Variants in UPK3A observed in about 807,000 individuals in gnomAD.
UPK3A encodes uroplakin 3A, also known as uroplakin-3a.
In UPK3A, 32 loss-of-function variants were observed where a neutral mutation model predicts 27.6. The observed-to-expected ratio is 1.16, with a 90% CI of 0.87 to 1.55. The LOEUF (loss-of-function observed/expected upper bound fraction) is 1.55, where lower values mean the gene tolerates loss of function less well. UPK3A is among the 40% of genes most tolerant of loss of function. The pLI is 0.00. For synonymous variants in UPK3A, 171 were observed against 163.9 expected, an observed-to-expected ratio of 1.04 and a Z score of -0.33; for missense variants, 370 against 367.9, an observed-to-expected ratio of 1.01 and a Z score of -0.05.
At position 45,293,319 on chromosome 22, in the gene UPK3A, T is replaced by A; in HGVS notation, c.704+6T>A. On this transcript the variant is annotated splice_donor_region_variant and intron_variant, in intron 5 of 5. Coordinates refer to ENST00000216211, the MANE Select transcript of UPK3A (RefSeq NM_006953.4). ...GCCATTGCCCTCAGCCTCGTGTAAG[T>A]ACCTGCCTGCTGGGAGGGCTGGACC... 6.2e-7 allele frequency: 1 copy of A among 1,613,700 alleles called. No homozygotes were observed. Among genetic ancestry groups the A allele is most frequent in the Non-Finnish European group, 8.5e-7 (1 of 1,180,016 alleles).
chr22:45,287,600 A>C, intron 3 of UPK3A, 149 bp downstream of exon 3: 1 of 896,458 alleles, frequency 1.1e-6, no homozygotes, highest in Non-Finnish European at 1.7e-6. Flanking sequence ...CTGAGCCTCA[A>C]GTTCAGAAGA....
chr22:45,291,308 A>G (rs1414248092), intron 4 of UPK3A, among the ~76,000 whole-genome samples: 2 of 110,160 alleles, frequency 1.8e-5, no homozygotes, highest in East Asian at 2.8e-4. Flanking sequence ...GTGTGTGTGA[A>G]TGAGGGTGTG....
intron 5 of UPK3A, among the ~76,000 whole-genome samples, chr22:45,294,070 C>T (rs186537805): frequency 1.9e-3 from 284 of 151,918 alleles, no homozygotes; most frequent in Admixed American, 3.7e-3. Flanking sequence ...AGAGGAGGGC[C>T]GGGGGGGTGC....
At chr22:45,292,171 G>A (rs2084166378) in intron 4 of UPK3A, among the ~76,000 whole-genome samples, 1 of 152,204 alleles carries the variant, frequency 6.6e-6, no homozygotes, top group African/African-American at 2.4e-5. Context: ...TGAGAAGAGG[G>A]AAGAAGAATT....
At chr22:45,290,864 G>A (rs1044669151) in intron 4 of UPK3A, among the ~76,000 whole-genome samples, 1 of 152,138 alleles carries the variant, frequency 6.6e-6, no homozygotes, top group Non-Finnish European at 1.5e-5. Flanking sequence ...GCGCATGCCA[G>A]GGATTAGGTT....
intron 4 of UPK3A, among the ~76,000 whole-genome samples, chr22:45,289,714 A>C (rs1037397984): frequency 1.3e-5 from 2 of 151,512 alleles, no homozygotes; most frequent in African/African-American, 4.8e-5. Context: ...AGATCACGCC[A>C]CAGCACTCCA....
chr22:45,290,873 T>C (rs780642327), intron 4 of UPK3A, among the ~76,000 whole-genome samples: 2 of 152,128 alleles, frequency 1.3e-5, no homozygotes, highest in Non-Finnish European at 2.9e-5. Context: ...AGGGATTAGG[T>C]TGCATGCTCC....
intron 4 of UPK3A, among the ~76,000 whole-genome samples, chr22:45,291,491 GGTGT>G (rs1335883801): frequency 4.0e-5 from 6 of 150,750 alleles, no homozygotes; most frequent in African/African-American, 1.5e-4. Context: ...TGATGTGTGT[GGTGT>G]GTGAGTGTGA....
Position 45,293,321 on chromosome 22 carries a change from C to G in UPK3A, c.704+8C>G, listed in dbSNP as rs112177270. ...CATTGCCCTCAGCCTCGTGTAAGTA[C>G]CTGCCTGCTGGGAGGGCTGGACCCC... On this transcript the variant is annotated splice_region_variant and intron_variant, in intron 5 of 5. Transcript: ENST00000216211. 8.7e-4 allele frequency: 1,404 copies of G among 1,613,684 alleles called. 12 individuals carry two copies. In the African/African-American group the frequency reaches 0.016, roughly 19 times the overall value.
intron 2 of UPK3A, among the ~76,000 whole-genome samples, chr22:45,286,760 G>T (rs927705587): frequency 6.6e-6 from 1 of 152,108 alleles, no homozygotes; most frequent in African/African-American, 2.4e-5. Context: ...AGAAGACTAG[G>T]GTCTGAAGAG....
chr22:45,289,208 C>T (rs983662699), intron 4 of UPK3A, 65 bp downstream of exon 4: 27 of 1,528,544 alleles, frequency 1.8e-5, no homozygotes, highest in East Asian at 4.5e-5. Flanking sequence ...CCAGCCACGG[C>T]GGTGAGAACC....
chr22:45,291,374 G>A (rs2084159441), intron 4 of UPK3A, among the ~76,000 whole-genome samples: 1 of 143,726 alleles, frequency 7.0e-6, no homozygotes, highest in Non-Finnish European at 1.5e-5. Context: ...AGTGGTGTGG[G>A]TGGTGTATGT....
chr22:45,291,140 C>A (rs1052352730), intron 4 of UPK3A, among the ~76,000 whole-genome samples: 2 of 152,216 alleles, frequency 1.3e-5, no homozygotes, highest in African/African-American at 4.8e-5. Context: ...CAAAACCGAT[C>A]CCTGGTGCCA....
At chr22:45,295,291 C>T (rs1166622282) in intron 5 of UPK3A, among the ~76,000 whole-genome samples, 1 of 152,102 alleles carries the variant, frequency 6.6e-6, no homozygotes. Context: ...GCAACCTTAG[C>T]TCTTTGGGAA....
intron 4 of UPK3A, among the ~76,000 whole-genome samples, chr22:45,291,679 A>G (rs1167505610): frequency 5.8e-5 from 7 of 119,982 alleles, no homozygotes; most frequent in African/African-American, 2.3e-4. Context: ...GTGAGTTGGT[A>G]TGTGTGGTGT....
rs2742632 is a variant in UPK3A at position 45,285,455 on chromosome 22, C to A, written c.52+390C>A. Among the ~76,000 whole-genome samples the A allele has an allele frequency of 2.2e-3, 337 of 152,016 alleles. 2 individuals are homozygous for A. The highest frequency in any genetic ancestry group is 7.7e-3 in the African/African-American group (320 of 41,456). The stretch of plus-strand genomic sequence containing the variant: ...GCCAGTCCATGGGACCAGCTGGAGC[C>A]TGGGGTGAGGGGAGCCTGTGGGGGA... On this transcript the variant is annotated intron_variant, in intron 1 of 5. Coordinates refer to ENST00000216211, the MANE Select transcript of UPK3A (RefSeq NM_006953.4).
intron 4 of UPK3A, among the ~76,000 whole-genome samples, chr22:45,292,512 G>A (rs1008599786): frequency 6.6e-6 from 1 of 152,172 alleles, no homozygotes; most frequent in Non-Finnish European, 1.5e-5. Context: ...CCGTCCACCT[G>A]GCCCCGTCAG....
chr22:45,287,193 T>G lies in UPK3A; in HGVS notation c.230T>G (p.Val77Gly). 1 of 1,614,166 alleles carries G rather than the reference T, an allele frequency of 6.2e-7. No individual in the cohort carries two copies. ...GCAGCCATTTCCAGGAATGCCTCAG[T>G]GCAAGACAGCACCAACACCCCACTG... Reference protein sequence around the residue: ...VDSAISRNASVQDSTNTPLGS... With the variant: ...VDSAISRNASGQDSTNTPLGS... Residue 77 changes from valine (V) to glycine (G), a missense_variant, in exon 3 of 6, where the codon GTG becomes GGG. Transcript: ENST00000216211.
intron 5 of UPK3A, among the ~76,000 whole-genome samples, chr22:45,294,589 T>C (rs889639459): frequency 2.0e-5 from 3 of 152,114 alleles, no homozygotes; most frequent in Non-Finnish European, 4.4e-5. Context: ...ACAAAATAGA[T>C]GATATCAGCC....
Sources: gnomAD v4.1 joint callset for allele counts (sites outside exome capture counted in the v4.1 genomes callset) on GRCh38, gnomAD v4.1.1 for gene constraint, MANE v1.5 for transcripts, NCBI Gene and HGNC (gene_info 2026-07-23, HGNC 2026-07-21) for gene names.